Variants in TANK observed in about 807,000 individuals in gnomAD.
TANK encodes the protein TRAF family member-associated NF-kappa-B activator.
A neutral mutation model predicts 43.6 loss-of-function variants in TANK; 15 were observed. The observed-to-expected ratio is 0.34, with a 90% CI of 0.23 to 0.53. The LOEUF (loss-of-function observed/expected upper bound fraction) is 0.53. Ranked by LOEUF, TANK falls within the 20% of genes least tolerant of loss-of-function variation. The probability of loss-of-function intolerance (pLI) is 0.94; values close to 1 mark genes in which losing one functional copy is unlikely to be tolerated. For synonymous variants in TANK, 162 were observed against 178.2 expected (o/e 0.91, Z 0.73); for missense variants, 417 against 498.6 (o/e 0.84, Z 1.56).
chr2:161,216,631 A>G (rs1375194553), intron 4 of TANK, among the ~76,000 whole-genome samples: 1 of 149,998 alleles, frequency 6.7e-6, no homozygotes, highest in Non-Finnish European at 1.5e-5. Context: ...CCAGTTGGGA[A>G]TTTTATTACT....
At chr2:161,172,993 C>T (rs1164923069) in intron 1 of TANK, among the ~76,000 whole-genome samples, 3 of 152,086 alleles carry the variant, frequency 2.0e-5, no homozygotes, top group Non-Finnish European at 4.4e-5. Context: ...TAAAATATGT[C>T]CATCATCTCC....
intron 1 of TANK, chr2:161,160,883 A>G: frequency 2.1e-6 from 1 of 479,748 alleles, no homozygotes; most frequent in South Asian, 1.6e-5. Context: ...ACTGCCTCCT[A>G]GAATCAAGTA....
intron 1 of TANK, among the ~76,000 whole-genome samples, chr2:161,147,233 C>A (rs983971630): frequency 6.6e-6 from 1 of 152,190 alleles, no homozygotes; most frequent in Non-Finnish European, 1.5e-5. Context: ...TCCCTTCCCC[C>A]ACCCTGGGAA....
chr2:161,187,250 A>G (rs1428093719), intron 2 of TANK, among the ~76,000 whole-genome samples: 1 of 152,112 alleles, frequency 6.6e-6, no homozygotes, highest in Non-Finnish European at 1.5e-5. Flanking sequence ...AACATGACAA[A>G]ATCCCATCTG....
At chr2:161,223,851 C>A in intron 4 of TANK, 64 bp from the exon 5 acceptor site, 3 of 1,107,606 alleles carry the variant, frequency 2.7e-6, no homozygotes, top group Non-Finnish European at 2.7e-6. Flanking sequence ...TTTCTCTTTA[C>A]TCGACCTCAT....
Position 161,231,273 on chromosome 2 carries a change from G to C in TANK, c.823G>C (p.Asp275His). 1 of 1,614,084 alleles carries C rather than the reference G, an allele frequency of 6.2e-7. No individual in the cohort carries two copies. ...CQEKFNMEFR[D>H]NPGNFVKTEE... ...AGAGAAATTTAATATGGAGTTCAGAGACAACCCAGGGAACTTTGTTAAAAC... is the reference window on the plus strand; with the variant it reads ...AGAGAAATTTAATATGGAGTTCAGACACAACCCAGGGAACTTTGTTAAAAC... Residue 275 changes from aspartate (D) to histidine (H), a missense_variant, in exon 7 of 8, where the codon GAC (aspartate) becomes CAC (histidine). By Grantham distance (81) the Asp-to-His change is moderately conservative. Transcript: ENST00000392749.
upstream of TANK, among the ~76,000 whole-genome samples, chr2:161,158,630 A>G (rs1437293881): frequency 6.6e-6 from 1 of 152,250 alleles, no homozygotes; most frequent in Non-Finnish European, 1.5e-5. Flanking sequence ...TGAGTATATT[A>G]CTAAATTCCA....
At chr2:161,193,409 G>A (rs2105325192) in intron 2 of TANK, among the ~76,000 whole-genome samples, 1 of 152,290 alleles carries the variant, frequency 6.6e-6, no homozygotes, top group East Asian at 1.9e-4. Flanking sequence ...GAAATACAGT[G>A]CATAAATATA....
intron 1 of TANK, among the ~76,000 whole-genome samples, chr2:161,175,109 T>G (rs1685119432): frequency 6.6e-6 from 1 of 152,290 alleles, no homozygotes; most frequent in Admixed American, 6.5e-5. Flanking sequence ...AGGATGCTCA[T>G]ATACTATATG....
intron 1 of TANK, among the ~76,000 whole-genome samples, chr2:161,150,228 T>C (rs1440076556): frequency 6.6e-6 from 1 of 152,230 alleles, no homozygotes; most frequent in East Asian, 1.9e-4. Context: ...TAGGAATTTG[T>C]ACAGTTCATC....
intron 1 of TANK, among the ~76,000 whole-genome samples, chr2:161,176,618 T>G (rs1395455803): frequency 6.6e-6 from 1 of 152,172 alleles, no homozygotes; most frequent in Non-Finnish European, 1.5e-5. Context: ...AGAACAGACA[T>G]GCATTTTTAA....
intron 2 of TANK, among the ~76,000 whole-genome samples, chr2:161,180,529 G>A (rs1403470255): frequency 6.6e-6 from 1 of 152,030 alleles, no homozygotes; most frequent in East Asian, 1.9e-4. Flanking sequence ...CTGATGTTAT[G>A]TTCCATGTTT....
At chr2:161,148,439 T>C (rs1427717317) in intron 1 of TANK, among the ~76,000 whole-genome samples, 1 of 152,198 alleles carries the variant, frequency 6.6e-6, no homozygotes, top group African/African-American at 2.4e-5. Context: ...CCTTATCAGA[T>C]ATGTGATTTG....
At chr2:161,226,828 G>A (rs1199700790) in intron 6 of TANK, among the ~76,000 whole-genome samples, 1 of 20,454 alleles carries the variant, frequency 4.9e-5, no homozygotes, top group Non-Finnish European at 2.5e-4. Flanking sequence ...GATTGGGAAG[G>A]AAGAATATAG....
rs537660763 is a variant in TANK, at chr2:161,193,080, C to T, written c.100-10407C>T. Among the ~76,000 whole-genome samples, 13 of 152,314 alleles carry T rather than the reference C, an allele frequency of 8.5e-5. 1 individual carries two copies. In the South Asian group the frequency reaches 2.7e-3, roughly 32 times the overall value. On this transcript the variant is annotated intron_variant, in intron 2 of 7. Transcript: ENST00000392749. ...GTTTGCTATGAATATTTCCTTTACT[C>T]ATCCTTCAATTTATCATGTGCCAGG...
Position 161,184,521 on chromosome 2 carries a change from A to T in TANK, c.99+4760A>T, listed in dbSNP as rs528791456. On this transcript the variant is annotated intron_variant, in intron 2 of 7. Coordinates refer to ENST00000392749, the MANE Select transcript of TANK (RefSeq NM_001199135.3). ...CATATATATTATACCTCAATTTTTT[A>T]AAAAAGTGAATGGCAGTCATTTCAA... Among the ~76,000 whole-genome samples the T allele has an allele frequency of 4.6e-5, 7 of 152,302 alleles. No individual in the cohort carries two copies. In the South Asian group the frequency reaches 1.2e-3, roughly 27 times the overall value.
At position 161,214,994 on chromosome 2, in the gene TANK, AG is replaced by A. The variant is rs745581242; in HGVS notation, c.328-8920del. Among the ~76,000 whole-genome samples, 26 of 152,296 alleles carry A rather than the reference AG, an allele frequency of 1.7e-4. 1 individual carries two copies. Among genetic ancestry groups the A allele is most frequent in the Middle Eastern group, 6.8e-3 (2 of 294 alleles). ...CATGCCTGCTCTTTGTCCAAGAGGG[AG>A]ACATTACCTAGTCTTTCAAATTTGC... On this transcript the variant is annotated intron_variant, in intron 4 of 7. Coordinates refer to ENST00000392749, the MANE Select transcript of TANK (RefSeq NM_001199135.3).
At chr2:161,212,646 G>A in intron 4 of TANK, 1 of 985,294 alleles carries the variant, frequency 1.0e-6, no homozygotes. Context: ...CTCTAGTATG[G>A]CTTTTCTCTC....
chr2:161,213,505 A>G (rs1207495991), intron 4 of TANK, among the ~76,000 whole-genome samples: 1 of 151,470 alleles, frequency 6.6e-6, no homozygotes, highest in African/African-American at 2.4e-5. Context: ...CTGGAGGCTG[A>G]GGCAGGAGAA....
Sources: gnomAD v4.1 joint callset for allele counts (sites outside exome capture counted in the v4.1 genomes callset) on GRCh38, gnomAD v4.1.1 for gene constraint, MANE v1.5 for transcripts, NCBI Gene and HGNC (gene_info 2026-07-23, HGNC 2026-07-21) for gene names.